Variants in PCDHGA4 observed in about 807,000 individuals in gnomAD.
PCDHGA4 encodes protocadherin gamma subfamily A, 4, also known as protocadherin gamma-A4.
Under a neutral mutation model 54.6 loss-of-function variants are expected in PCDHGA4, and 38 were observed. That is an observed-to-expected ratio of 0.70 (90% CI 0.54 to 0.91). The LOEUF is 0.91. Ranked by LOEUF, PCDHGA4 falls within the 40% of genes least tolerant of loss-of-function variation. PCDHGA4 has a pLI of 0.00. For synonymous variants in PCDHGA4, 511 were observed against 512.9 expected, an observed-to-expected ratio of 1.00 and a Z score of 0.05; for missense variants, 1,298 against 1,220.9, an observed-to-expected ratio of 1.06 and a Z score of -0.94.
At position 141,485,614 on chromosome 5, in the gene PCDHGA4, T is replaced by G; in HGVS notation, c.2515-9193T>G. 1 of 1,612,236 alleles carries G rather than the reference T, an allele frequency of 6.2e-7. No individual in the cohort carries two copies. Among genetic ancestry groups the G allele is most frequent in the Non-Finnish European group, 8.5e-7 (1 of 1,178,686 alleles). On this transcript the variant is annotated intron_variant, in intron 1 of 3. Transcript: ENST00000571252. The surrounding 1 kb of genome is among the most constrained non-coding windows in gnomAD (Gnocchi z 5.7). ...ACTTGGAAATTGGGGAGGCAGCTCC[T>G]CCAGGACAGCGTTTCCCGTTGGAAA...
At chr5:141,427,889 G>C in intron 1 of PCDHGA4, 1 of 1,566,516 alleles carries the variant, frequency 6.4e-7, no homozygotes, top group South Asian at 1.1e-5. Flanking sequence ...CCCACGACCA[G>C]GGCTCGCCCG....
At position 141,372,874 on chromosome 5, in the gene PCDHGA4, A is replaced by T; in HGVS notation, c.2514+15253A>T. The T allele has an allele frequency of 4.6e-6, 6 of 1,314,500 alleles. No individual in the cohort carries two copies. The East Asian group carries it at 1.2e-4, about 27-fold the overall frequency. 81.4% of individuals were successfully genotyped at this position (1,314,500 alleles called of 1,614,324 possible). A position where few individuals can be genotyped will look rare whatever the true frequency, so the allele number is the denominator to read the frequency against. On this transcript the variant is annotated intron_variant, in intron 1 of 3. Transcript: ENST00000571252. ...GGTTTCAATTCATTGATTTAGAGAT[A>T]AAAAGAATACAGATTAAATATTCCC... is the stretch of plus-strand genomic sequence containing the variant.
At chr5:141,419,273 G>A (rs751868316) in intron 1 of PCDHGA4, 2 of 1,614,034 alleles carry the variant, frequency 1.2e-6, no homozygotes, top group South Asian at 1.1e-5. Flanking sequence ...TGCCTCCATA[G>A]CGCAAGTCAG....
intron 1 of PCDHGA4, chr5:141,413,901 C>T (rs375828969): frequency 1.5e-5 from 24 of 1,613,244 alleles, no homozygotes; most frequent in African/African-American, 1.1e-4. Context: ...CAAATGACAA[C>T]GCGCCGGTCT....
chr5:141,455,140 A>G (rs1465733732), intron 1 of PCDHGA4, among the ~76,000 whole-genome samples: 1 of 150,512 alleles, frequency 6.6e-6, no homozygotes, highest in Non-Finnish European at 1.5e-5. Context: ...ACACTGTGTT[A>G]AATAAATATT....
chr5:141,505,210 A>G (rs899138393), intron 2 of PCDHGA4, among the ~76,000 whole-genome samples, 183 bp from the exon 3 acceptor site: 3 of 152,192 alleles, frequency 2.0e-5, no homozygotes, highest in African/African-American at 7.2e-5. Flanking sequence ...GGTTTGAGGG[A>G]CTGACTTGTG....
At chr5:141,423,744 A>G in intron 1 of PCDHGA4, 1 of 429,464 alleles carries the variant, frequency 2.3e-6, no homozygotes. Context: ...TGTTATGAAA[A>G]CTGTTTGGGG....
At chr5:141,465,649 A>C (rs1174371552) in intron 1 of PCDHGA4, among the ~76,000 whole-genome samples, 1 of 152,200 alleles carries the variant, frequency 6.6e-6, no homozygotes, top group African/African-American at 2.4e-5. Context: ...TGAACATCCC[A>C]AAAAAGCGCT....
intron 1 of PCDHGA4, chr5:141,388,246 TGGA>T: frequency 6.2e-7 from 1 of 1,609,740 alleles, no homozygotes; most frequent in East Asian, 2.2e-5. Context: ...CACGTGAATG[TGGA>T]GATCGAGGAC....
chr5:141,418,620 A>T lies in PCDHGA4; in HGVS notation c.2514+60999A>T, dbSNP rs762197476. 180 of 1,613,904 alleles carry T rather than the reference A, an allele frequency of 1.1e-4. No homozygotes were observed. The highest frequency in any genetic ancestry group is 1.5e-4 in the Non-Finnish European group (172 of 1,179,900). On this transcript the variant is annotated intron_variant, in intron 1 of 3. Coordinates refer to ENST00000571252, the MANE Select transcript of PCDHGA4 (RefSeq NM_018917.4). The stretch of plus-strand genomic sequence containing the variant: ...GTGTACAGGGTTAGCCTTCGGGAAG[A>T]CGTGCCTCCAGGCACCTCCATCCTG...
At chr5:141,510,674 GGCAT>G (rs1388331907) in intron 3 of PCDHGA4, among the ~76,000 whole-genome samples, 6 of 152,132 alleles carry the variant, frequency 3.9e-5, no homozygotes, top group Non-Finnish European at 8.8e-5. Flanking sequence ...AAACTGAAGT[GGCAT>G]AAGGAGGTTA....
intron 1 of PCDHGA4, chr5:141,392,860 T>A (rs726684): frequency 2.5e-6 from 4 of 1,612,016 alleles, no homozygotes; most frequent in Admixed American, 3.4e-5. Flanking sequence ...CTGATCCTGC[T>A]GTGCGCGCTG....
Position 141,356,825 on chromosome 5 carries a change from T to A in PCDHGA4, c.1718T>A (p.Leu573His), listed in dbSNP as rs573413184. 3.1e-6 allele frequency: 5 copies of A among 1,614,132 alleles called. No homozygotes were observed. The East Asian group carries it at 8.9e-5, about 29-fold the overall frequency. Residue 573 changes from leucine to histidine, a missense_variant, in exon 1 of 4, where the codon CTC becomes CAC. Leu to His is a moderately conservative substitution (Grantham distance 99). Transcript: ENST00000571252. The part of the protein sequence containing the change: ...MTASDSGDPP[L>H]SSNVSLSLFV... Reference sequence around the variant, plus strand: ...GCCAGTGACAGTGGAGACCCTCCACTCAGCAGCAATGTGTCACTGAGCCTC... The same window carrying A: ...GCCAGTGACAGTGGAGACCCTCCACACAGCAGCAATGTGTCACTGAGCCTC...
rs761350249 is a variant in PCDHGA4 at position 141,418,909 on chromosome 5, G to A, written c.2514+61288G>A. Reference sequence around the variant, plus strand: ...ACAACAGCCCAGAAATAATCATCACGTCACTCTCTGATCAGATTATGGAGG... The same window carrying A: ...ACAACAGCCCAGAAATAATCATCACATCACTCTCTGATCAGATTATGGAGG... On this transcript the variant is annotated intron_variant, in intron 1 of 3. Coordinates refer to ENST00000571252, the MANE Select transcript of PCDHGA4 (RefSeq NM_018917.4). The A allele has an allele frequency of 1.9e-6, 3 of 1,613,906 alleles. No homozygotes were observed. In the Admixed American group the frequency reaches 5.0e-5, roughly 27 times the overall value.
At chr5:141,394,717 G>A (rs1403492553) in intron 1 of PCDHGA4, 1 of 1,613,320 alleles carries the variant, frequency 6.2e-7, no homozygotes, top group East Asian at 2.2e-5. Flanking sequence ...CTGCTGGACA[G>A]AGATGCGCTC....
intron 1 of PCDHGA4, among the ~76,000 whole-genome samples, chr5:141,381,826 C>CTTCTTTTTTT (rs1777532522): frequency 3.1e-4 from 23 of 74,294 alleles, no homozygotes; most frequent in African/African-American, 1.4e-3. Context: ...CTTTCTTCTT[C>CTTCTTTTTTT]TTTTTTTTTT....
At chr5:141,366,818 C>T (rs367913992) in intron 1 of PCDHGA4, 3 of 1,545,048 alleles carry the variant, frequency 1.9e-6, no homozygotes, top group Non-Finnish European at 1.7e-6. Flanking sequence ...ATGTTTCTGT[C>T]ATATTCAGAA....
chr5:141,376,474 A>G, intron 1 of PCDHGA4: 5 of 1,614,136 alleles, frequency 3.1e-6, no homozygotes, highest in Non-Finnish European at 3.4e-6. Context: ...CTCAGGATTT[A>G]CTTGAAACGA....
rs765751691 is a variant in PCDHGA4 at position 141,431,363 on chromosome 5, C to G, written c.2515-63444C>G. The G allele has an allele frequency of 6.2e-7, 1 of 1,614,024 alleles. No individual in the cohort carries two copies. The highest frequency in any genetic ancestry group is 2.2e-5 in the East Asian group (1 of 44,882). ...ATTGGTGCTGAAACGCGCCCTGGAC[C>G]GCGAAGAAAAGGCTGCTCACCACCT... is the stretch of plus-strand genomic sequence containing the variant. On this transcript the variant is annotated intron_variant, in intron 1 of 3. Transcript: ENST00000571252. This position sits in a 1 kb window ranked among gnomAD's most constrained non-coding sequence, Gnocchi z 4.8.
Sources: allele counts gnomAD v4.1 joint callset (sites outside exome capture counted in the v4.1 genomes callset), GRCh38; gene constraint gnomAD v4.1.1; non-coding constraint Gnocchi (gnomAD v3.1); transcripts MANE v1.5; gene names NCBI Gene and HGNC (gene_info 2026-07-23, HGNC 2026-07-21).